LINGO2: variants seen among roughly 807,000 people sequenced by gnomAD.
LINGO2 encodes the protein leucine-rich repeat and immunoglobulin-like domain-containing nogo receptor-interacting protein 2.
Under a neutral mutation model 30.6 loss-of-function variants are expected in LINGO2, and 14 were observed. The ratio of observed to expected loss-of-function variants is 0.46; its 90% CI spans 0.30 to 0.72. The LOEUF (loss-of-function observed/expected upper bound fraction) is 0.72, where lower values mean the gene tolerates loss of function less well. LINGO2 is among the 30% of genes least tolerant of loss of function. The pLI is 0.07. For missense variants in LINGO2, 729 were observed against 751.7 expected, an observed-to-expected ratio of 0.97 and a Z score of 0.35; for synonymous variants, 317 against 288.5, an observed-to-expected ratio of 1.10 and a Z score of -1.00.
intron 4 of LINGO2, among the ~76,000 whole-genome samples, chr9:28,078,444 A>G (rs1016357190): frequency 9.4e-5 from 14 of 148,188 alleles, no homozygotes; most frequent in East Asian, 7.7e-4. Flanking sequence ...TAAATAGACT[A>G]TTTTTTTTTA....
At chr9:28,197,440 T>G (rs1281538570) in intron 4 of LINGO2, among the ~76,000 whole-genome samples, 1 of 151,866 alleles carries the variant, frequency 6.6e-6, no homozygotes, top group African/African-American at 2.4e-5. Flanking sequence ...AAAGTGAATA[T>G]AATAAAGATG....
chr9:28,698,239 T>C, the LINGO2 span, among the ~76,000 whole-genome samples: 3 of 152,112 alleles, frequency 2.0e-5, no homozygotes, highest in Non-Finnish European at 4.4e-5. Flanking sequence ...ATTTGCATCA[T>C]GGCTCTTTTA....
At chr9:28,845,371 G>C in the LINGO2 span, among the ~76,000 whole-genome samples, 1 of 151,736 alleles carries the variant, frequency 6.6e-6, no homozygotes, top group Non-Finnish European at 1.5e-5. Flanking sequence ...TATTTCCTTT[G>C]GGATTGAAGC....
intron 3 of LINGO2, among the ~76,000 whole-genome samples, chr9:28,346,979 G>A (rs1186174156): frequency 6.6e-6 from 1 of 151,800 alleles, no homozygotes; most frequent in Non-Finnish European, 1.5e-5. Flanking sequence ...TCTGTAGGTT[G>A]TCTGTTTACT....
At chr9:28,830,962 G>T in the LINGO2 span, among the ~76,000 whole-genome samples, 2 of 152,312 alleles carry the variant, frequency 1.3e-5, no homozygotes, top group East Asian at 3.9e-4. Flanking sequence ...GCAGCCCTGG[G>T]CTAACATGAG....
chr9:28,007,784 T>G (rs543476121), intron 5 of LINGO2, among the ~76,000 whole-genome samples: 12 of 152,304 alleles, frequency 7.9e-5, no homozygotes, highest in African/African-American at 2.6e-4. Context: ...CACCAATTTT[T>G]ATGCTACAGT....
At chr9:28,358,381 C>T (rs932751202) in intron 3 of LINGO2, among the ~76,000 whole-genome samples, 4 of 152,090 alleles carry the variant, frequency 2.6e-5, no homozygotes, top group African/African-American at 4.8e-5. Flanking sequence ...TCATATATTA[C>T]GGTGCCTAGC....
chr9:28,254,594 C>A (rs1363462081), intron 4 of LINGO2, among the ~76,000 whole-genome samples: 1 of 152,026 alleles, frequency 6.6e-6, no homozygotes, highest in Non-Finnish European at 1.5e-5. Context: ...CTTTAAATCC[C>A]ATGAGAAGGT....
At chr9:28,990,748 G>T in the LINGO2 span, among the ~76,000 whole-genome samples, 11 of 93,456 alleles carry the variant, frequency 1.2e-4, no homozygotes, top group East Asian at 2.9e-3. Flanking sequence ...GGCTAACAGG[G>T]TCTGGAGTGG....
chr9:28,686,222 T>A, the LINGO2 span, among the ~76,000 whole-genome samples: 4 of 152,076 alleles, frequency 2.6e-5, no homozygotes, highest in African/African-American at 9.7e-5. Flanking sequence ...ACGTACAATG[T>A]AAGTCTTTGT....
downstream of LINGO2, among the ~76,000 whole-genome samples, chr9:27,947,178 T>C (rs1337022922): frequency 6.6e-6 from 1 of 152,196 alleles, no homozygotes; most frequent in African/African-American, 2.4e-5. Flanking sequence ...ATGAACACAG[T>C]CCACATTCAA....
upstream of LINGO2, among the ~76,000 whole-genome samples, chr9:28,674,588 C>T (rs1469701879): frequency 1.3e-5 from 2 of 152,088 alleles, no homozygotes; most frequent in African/African-American, 4.8e-5. Flanking sequence ...GATTCTCACA[C>T]TTTATTTCAA....
the LINGO2 span, among the ~76,000 whole-genome samples, chr9:29,156,563 A>C: frequency 1.3e-5 from 2 of 152,148 alleles, no homozygotes; most frequent in Non-Finnish European, 2.9e-5. Flanking sequence ...ATGGAGTATC[A>C]ATAAATAAGG....
At chr9:28,369,784 G>T (rs551741680) in intron 3 of LINGO2, among the ~76,000 whole-genome samples, 62 of 152,322 alleles carry the variant, frequency 4.1e-4, no homozygotes, top group African/African-American at 1.4e-3. Flanking sequence ...GACAGGTGAA[G>T]AAAAGGATTT....
At chr9:28,604,202 C>T (rs1825609858) in intron 1 of LINGO2, among the ~76,000 whole-genome samples, 1 of 151,946 alleles carries the variant, frequency 6.6e-6, no homozygotes, top group Non-Finnish European at 1.5e-5. Context: ...TCCTACAGTT[C>T]AAAATGCATA....
intron 1 of LINGO2, among the ~76,000 whole-genome samples, chr9:28,481,215 T>G (rs969666196): frequency 6.6e-6 from 1 of 152,140 alleles, no homozygotes; most frequent in African/African-American, 2.4e-5. Context: ...AGTTAAGATC[T>G]TCATAACTGT....
intron 1 of LINGO2, among the ~76,000 whole-genome samples, chr9:28,592,164 C>A (rs947340905): frequency 4.6e-5 from 7 of 151,964 alleles, no homozygotes; most frequent in Admixed American, 3.9e-4. Context: ...TTCATTTAAT[C>A]TTCATAAGCC....
intron 4 of LINGO2, among the ~76,000 whole-genome samples, chr9:28,156,946 G>T (rs944509122): frequency 1.3e-5 from 2 of 152,314 alleles, no homozygotes; most frequent in African/African-American, 4.8e-5. Context: ...TAGGGTACAA[G>T]CTCCCCTTGG....
intron 3 of LINGO2, among the ~76,000 whole-genome samples, chr9:28,299,923 C>G (rs1041996050): frequency 1.3e-5 from 2 of 152,084 alleles, no homozygotes; most frequent in African/African-American, 2.4e-5. Flanking sequence ...TCTTACCCAG[C>G]TTACTCAGCA....
Sources: gnomAD v4.1 joint callset for allele counts (sites outside exome capture counted in the v4.1 genomes callset) on GRCh38, gnomAD v4.1.1 for gene constraint, MANE v1.5 for transcripts, NCBI Gene and HGNC (gene_info 2026-07-23, HGNC 2026-07-21) for gene names.